The following SLIT3 variants were observed in gnomAD, a reference collection of about 807,000 sequenced individuals.
SLIT3 encodes the protein slit homolog 3 protein.
SLIT3 carries 68 observed loss-of-function variants against 184.0 expected under a neutral mutation model. The observed-to-expected ratio is 0.37, with a 90% CI of 0.30 to 0.45. The LOEUF is 0.45. Ranked by LOEUF, SLIT3 falls within the 20% of genes least tolerant of loss-of-function variation. SLIT3 has a pLI of 1.00. For missense variants in SLIT3, 1,707 were observed against 2,026.0 expected, an observed-to-expected ratio of 0.84 and a Z score of 3.02; for synonymous variants, 831 against 828.6, an observed-to-expected ratio of 1.00 and a Z score of -0.05.
chr5:168,991,989 G>A (rs1274422383), intron 4 of SLIT3, among the ~76,000 whole-genome samples: 1 of 152,322 alleles, frequency 6.6e-6, no homozygotes, highest in East Asian at 1.9e-4. Context: ...AAAGTAAACA[G>A]CAATATAAAA....
intron 4 of SLIT3, chr5:169,023,649 A>G (rs1302470826): frequency 2.0e-5 from 3 of 150,426 alleles, no homozygotes; most frequent in Admixed American, 6.6e-5. Context: ...CTCTTCTGTT[A>G]TCTTCAACCC....
rs116633824 is a variant in SLIT3, at chr5:168,724,735, C to T, written c.2271-251G>A. On this transcript the variant is annotated intron_variant, in intron 20 of 35. Coordinates refer to ENST00000519560, the MANE Select transcript of SLIT3 (RefSeq NM_003062.4). ...AGGATTCTTGTCTAAAATTGCCCAC[C>T]GTTGGATCCCCCCGTGGCTGTTTAC... Among the ~76,000 whole-genome samples the T allele has an allele frequency of 4.4e-3, 666 of 151,716 alleles. 5 individuals are homozygous for T. Among genetic ancestry groups the T allele is most frequent in the African/African-American group, 0.015 (632 of 41,222 alleles).
At chr5:168,892,124 A>G (rs111356521) in intron 4 of SLIT3, among the ~76,000 whole-genome samples, 3 of 152,176 alleles carry the variant, frequency 2.0e-5, no homozygotes, top group African/African-American at 7.2e-5. Context: ...GCAATTTAAA[A>G]TTTTCTATTA....
At chr5:168,777,744 G>C (rs991753062) in intron 12 of SLIT3, among the ~76,000 whole-genome samples, 4 of 152,194 alleles carry the variant, frequency 2.6e-5, no homozygotes, top group Admixed American at 6.5e-5. Context: ...TGCAGGGAGA[G>C]ATAAAATTAA....
In SLIT3 at chr5:168,666,480, CTAAG is replaced by C; in HGVS notation, c.4542_4545del (p.His1514GlnfsTer59). 3 of 1,593,684 alleles carry C rather than the reference CTAAG, an allele frequency of 1.9e-6. No homozygotes were observed. The highest frequency in any genetic ancestry group is 2.6e-6 in the Non-Finnish European group (3 of 1,168,004). ...TAGGAACACGCGAGGCAGCCGCACTCTAAGTGTCTCTCCACCTCTTCTACAAACG... is the reference window on the plus strand; with the variant it reads ...TAGGAACACGCGAGGCAGCCGCACTCTGTCTCTCCACCTCTTCTACAAACG... On this transcript the variant is annotated frameshift_variant, in exon 36 of 36. Transcript: ENST00000519560. LOFTEE classifies it high-confidence loss of function.
intron 4 of SLIT3, among the ~76,000 whole-genome samples, chr5:168,899,211 C>T (rs983538442): frequency 4.9e-5 from 7 of 142,660 alleles, no homozygotes; most frequent in Admixed American, 2.8e-4. Context: ...TAGACAGGTG[C>T]AAACCTAAAA....
At chr5:169,264,186 CT>C (rs1263018299) in intron 1 of SLIT3, among the ~76,000 whole-genome samples, 2 of 151,908 alleles carry the variant, frequency 1.3e-5, no homozygotes, top group African/African-American at 4.8e-5. Flanking sequence ...AAGGAAGATG[CT>C]TTTTGGTTTT....
At chr5:168,762,497 G>T in intron 15 of SLIT3, 42 bp downstream of exon 15, 6 of 1,594,312 alleles carry the variant, frequency 3.8e-6, no homozygotes, top group South Asian at 1.1e-5. Flanking sequence ...GGTGACTGGC[G>T]TGTGGGGAGG....
Position 169,045,301 on chromosome 5 carries a change from A to T in SLIT3, c.413+148178T>A, listed in dbSNP as rs531658453. Among the ~76,000 whole-genome samples, 4 of 152,184 alleles carry T rather than the reference A, an allele frequency of 2.6e-5. No individual in the cohort carries two copies. The East Asian group carries it at 5.8e-4, about 22-fold the overall frequency. On this transcript the variant is annotated intron_variant, in intron 4 of 35. Transcript: ENST00000519560. ...CAACTTGGGCACAGCTTCACTTGCT[A>T]CTTCCTCACTGCCCGGGCTTTCCCT...
intron 4 of SLIT3, among the ~76,000 whole-genome samples, chr5:169,049,813 A>G (rs1262611580): frequency 6.6e-6 from 1 of 152,204 alleles, no homozygotes; most frequent in African/African-American, 2.4e-5. Context: ...AAGAGAAACA[A>G]AATACAAGAG....
chr5:168,662,246 C>G lies in SLIT3; in HGVS notation c.*4208G>C, dbSNP rs74461656. 6,132 of 152,354 alleles carry G rather than the reference C, an allele frequency of 0.04. 439 individuals are homozygous for G. The highest frequency in any genetic ancestry group is 0.18 in the Admixed American group (2,799 of 15,296). 9.4% of individuals were successfully genotyped at this position (152,354 alleles called of 1,614,324 possible). A position where few individuals can be genotyped will look rare whatever the true frequency, so the allele number is the denominator to read the frequency against. ...TCAGTTTTCCTGCCTACCAGTAATG[C>G]CCTATGACTCCTCCAGCTCTGGTAT... On this transcript the variant is annotated 3_prime_UTR_variant, in exon 36 of 36. Transcript: ENST00000519560.
chr5:169,231,161 A>T (rs1764987448), intron 3 of SLIT3, among the ~76,000 whole-genome samples: 2 of 152,224 alleles, frequency 1.3e-5, no homozygotes, highest in Admixed American at 1.3e-4. Context: ...AGTCAGAGCC[A>T]TGCATGAAAT....
At chr5:169,107,242 AC>A (rs1238738990) in intron 4 of SLIT3, among the ~76,000 whole-genome samples, 2 of 152,140 alleles carry the variant, frequency 1.3e-5, no homozygotes, top group Non-Finnish European at 2.9e-5. Context: ...CCTGTGGCTC[AC>A]ACTTCTCCTA....
chr5:168,940,778 T>C (rs911246986), intron 4 of SLIT3, among the ~76,000 whole-genome samples: 1 of 152,170 alleles, frequency 6.6e-6, no homozygotes, highest in Admixed American at 6.5e-5. Flanking sequence ...TGTCATGAGA[T>C]GTATACCCTG....
At chr5:169,181,164 A>G (rs1235566522) in intron 4 of SLIT3, among the ~76,000 whole-genome samples, 1 of 152,214 alleles carries the variant, frequency 6.6e-6, no homozygotes, top group Non-Finnish European at 1.5e-5. Context: ...TTGCCCAATA[A>G]TTTGAGCTAA....
chr5:169,275,883 G>T (rs1349148184), intron 1 of SLIT3, among the ~76,000 whole-genome samples: 1 of 152,126 alleles, frequency 6.6e-6, no homozygotes, highest in Admixed American at 6.5e-5. Flanking sequence ...GGAAGTCATG[G>T]GTGGGCTAGG....
Position 168,666,593 on chromosome 5 carries a change from C to T in SLIT3, c.4433G>A (p.Cys1478Tyr). ...GCACTGGGGCCCACAGCCCCCACGA[C>T]ATTCCATGATGGGCACCTTGGAGGC... is the stretch of plus-strand genomic sequence containing the variant. ...ATASKVPIME[C>Y]RGGCGPQCCQ... Residue 1478 changes from cysteine (C) to tyrosine (Y), a missense_variant, in exon 36 of 36, where the codon TGT (cysteine) becomes TAT (tyrosine). Physicochemically the swap from Cys to Tyr is radical, Grantham distance 194. Coordinates refer to ENST00000519560, the MANE Select transcript of SLIT3 (RefSeq NM_003062.4). 6.2e-7 allele frequency: 1 copy of T among 1,614,250 alleles called. No homozygotes were observed. Among genetic ancestry groups the T allele is most frequent in the Non-Finnish European group, 8.5e-7 (1 of 1,180,048 alleles).
chr5:169,241,754 G>C (rs925253241), intron 3 of SLIT3, among the ~76,000 whole-genome samples: 1 of 152,240 alleles, frequency 6.6e-6, no homozygotes, highest in Admixed American at 6.5e-5. Context: ...TTAAAATATG[G>C]TGTCATAAGT....
chr5:168,801,156 C>T (rs534671601), intron 9 of SLIT3, among the ~76,000 whole-genome samples: 1 of 152,138 alleles, frequency 6.6e-6, no homozygotes, highest in Non-Finnish European at 1.5e-5. Context: ...GCTTCTCCTT[C>T]GTACCACCTG....
Sources: allele counts gnomAD v4.1 joint callset (sites outside exome capture counted in the v4.1 genomes callset), GRCh38; gene constraint gnomAD v4.1.1; transcripts MANE v1.5; gene names NCBI Gene and HGNC (gene_info 2026-07-23, HGNC 2026-07-21).